Variants in NRXN3 observed in about 807,000 individuals in gnomAD.
NRXN3 encodes neurexin 3, also known as neurexin III.
In NRXN3, 32 loss-of-function variants were observed where a neutral mutation model predicts 137.6. The ratio of observed to expected loss-of-function variants is 0.23; its 90% CI spans 0.18 to 0.31. The LOEUF (loss-of-function observed/expected upper bound fraction) is 0.31. Ranked by LOEUF, NRXN3 falls within the 10% of genes least tolerant of loss-of-function variation. The pLI is 1.00. For missense variants in NRXN3, 1,574 were observed against 2,062.5 expected (o/e 0.76, Z 4.59); for synonymous variants, 798 against 784.5 (o/e 1.02, Z -0.29).
intron 15 of NRXN3, among the ~76,000 whole-genome samples, chr14:79,060,660 A>G (rs1005815757): frequency 3.9e-5 from 6 of 152,216 alleles, no homozygotes; most frequent in East Asian, 3.9e-4. Context: ...TTCTCGCTCA[A>G]AAACAATTTT....
At chr14:79,009,529 A>C (rs887103562) in intron 15 of NRXN3, among the ~76,000 whole-genome samples, 4 of 152,078 alleles carry the variant, frequency 2.6e-5, no homozygotes, top group African/African-American at 9.7e-5. Flanking sequence ...CCTCAAGTCT[A>C]TAGGGAGGTG....
At chr14:79,362,732 G>A (rs987503453) in intron 15 of NRXN3, among the ~76,000 whole-genome samples, 1 of 152,196 alleles carries the variant, frequency 6.6e-6, no homozygotes, top group Non-Finnish European at 1.5e-5. Flanking sequence ...AAGCAATGCC[G>A]AGTTCATCAG....
chr14:78,595,489 G>C (rs2097151218), intron 4 of NRXN3, among the ~76,000 whole-genome samples: 1 of 151,984 alleles, frequency 6.6e-6, no homozygotes, highest in Admixed American at 6.6e-5. Context: ...AGGTAGACTG[G>C]GGGGTGGCAG....
chr14:79,736,081 C>G (rs1568056095), intron 19 of NRXN3, among the ~76,000 whole-genome samples: 1 of 152,148 alleles, frequency 6.6e-6, no homozygotes, highest in African/African-American at 2.4e-5. Flanking sequence ...TTCTCAACAT[C>G]TTTGCCTCCC....
chr14:78,859,143 G>A (rs2152518753), intron 10 of NRXN3, among the ~76,000 whole-genome samples: 1 of 152,150 alleles, frequency 6.6e-6, no homozygotes. Flanking sequence ...CATTTCCCCT[G>A]TTTGCAATCA....
intron 4 of NRXN3, among the ~76,000 whole-genome samples, chr14:78,584,646 T>C (rs1005463202): frequency 4.6e-5 from 7 of 152,246 alleles, no homozygotes; most frequent in Non-Finnish European, 7.3e-5. Context: ...TGATAAGCAC[T>C]GCTTTGGGAG....
intron 15 of NRXN3, among the ~76,000 whole-genome samples, chr14:79,415,935 C>T (rs760159260): frequency 6.6e-5 from 10 of 152,084 alleles, no homozygotes; most frequent in Admixed American, 2.0e-4. Flanking sequence ...GACTCATATA[C>T]ATGTTAAAGG....
intron 14 of NRXN3, among the ~76,000 whole-genome samples, chr14:78,970,497 A>T (rs751951688): frequency 1.3e-5 from 2 of 152,158 alleles, no homozygotes; most frequent in Non-Finnish European, 2.9e-5. Flanking sequence ...CTCAATACAC[A>T]TGTCAATGGC....
chr14:79,141,979 A>G (rs1298162842), intron 15 of NRXN3, among the ~76,000 whole-genome samples: 1 of 152,196 alleles, frequency 6.6e-6, no homozygotes, highest in Non-Finnish European at 1.5e-5. Context: ...TCAGCCATCA[A>G]AATATCCATA....
intron 4 of NRXN3, among the ~76,000 whole-genome samples, chr14:78,314,061 C>CT (rs886575577): frequency 1.3e-5 from 2 of 152,016 alleles, no homozygotes; most frequent in Non-Finnish European, 2.9e-5. Flanking sequence ...AAGCGATTCA[C>CT]TTTTTTTTCT....
chr14:78,798,304 G>T (rs1285542661), intron 8 of NRXN3, among the ~76,000 whole-genome samples: 1 of 152,196 alleles, frequency 6.6e-6, no homozygotes, highest in Non-Finnish European at 1.5e-5. Flanking sequence ...AGGGGCTACA[G>T]GCTCCATTCA....
At chr14:78,785,413 A>G (rs776528060) in intron 8 of NRXN3, among the ~76,000 whole-genome samples, 4 of 152,130 alleles carry the variant, frequency 2.6e-5, no homozygotes, top group Non-Finnish European at 5.9e-5. Flanking sequence ...TGGCCCACTC[A>G]TTTCTAAGTT....
At chr14:78,197,365 A>G (rs1450156267) in intron 1 of NRXN3, among the ~76,000 whole-genome samples, 1 of 152,184 alleles carries the variant, frequency 6.6e-6, no homozygotes, top group Non-Finnish European at 1.5e-5. Context: ...GCTTTCTCCC[A>G]GTTCTGTAAG....
intron 1 of NRXN3, among the ~76,000 whole-genome samples, chr14:78,197,630 C>T (rs2061345456): frequency 6.6e-6 from 1 of 152,236 alleles, no homozygotes; most frequent in African/African-American, 2.4e-5. Flanking sequence ...TTGCTTCCTT[C>T]CTGGTGGAGC....
At chr14:79,671,672 A>G (rs2098608537) in intron 17 of NRXN3, among the ~76,000 whole-genome samples, 1 of 152,212 alleles carries the variant, frequency 6.6e-6, no homozygotes, top group East Asian at 1.9e-4. Context: ...TGTTTTATCA[A>G]GGAAACTTCC....
chr14:79,165,025 C>A (rs979013165), intron 15 of NRXN3, among the ~76,000 whole-genome samples: 3 of 151,920 alleles, frequency 2.0e-5, no homozygotes, highest in Non-Finnish European at 2.9e-5. Context: ...ATAAAAAATT[C>A]TCTTAATGTG....
At chr14:78,278,100 C>T (rs1358604889) in intron 2 of NRXN3, among the ~76,000 whole-genome samples, 2 of 152,166 alleles carry the variant, frequency 1.3e-5, no homozygotes, top group Non-Finnish European at 2.9e-5. Context: ...ATTTTGTGAC[C>T]TTATGTCCTT....
chr14:79,081,615 CAAAAA>C (rs34854400), intron 15 of NRXN3, among the ~76,000 whole-genome samples: 3 of 110,330 alleles, frequency 2.7e-5, no homozygotes, highest in African/African-American at 3.2e-5. Flanking sequence ...GACTTTATCT[CAAAAA>C]AAAAAAAAAA....
At chr14:78,862,265 T>C (rs1178429768) in intron 10 of NRXN3, among the ~76,000 whole-genome samples, 2 of 151,672 alleles carry the variant, frequency 1.3e-5, no homozygotes, top group East Asian at 1.9e-4. Context: ...GATAGATAGA[T>C]AGATAAATAG....
Sources: gnomAD v4.1 joint callset for allele counts (sites outside exome capture counted in the v4.1 genomes callset) on GRCh38, gnomAD v4.1.1 for gene constraint, MANE v1.5 for transcripts, NCBI Gene and HGNC (gene_info 2026-07-23, HGNC 2026-07-21) for gene names.